Variants in NIPA1 observed in about 807,000 individuals in gnomAD.
The protein encoded by NIPA1 is NIPA magnesium transporter 1.
Under a neutral mutation model 23.9 loss-of-function variants are expected in NIPA1, and 13 were observed. The observed-to-expected ratio is 0.54, with a 90% CI of 0.35 to 0.87. NIPA1 has a LOEUF of 0.87. Ranked by LOEUF, NIPA1 falls within the 40% of genes least tolerant of loss-of-function variation. The pLI is 0.01. For synonymous variants in NIPA1, 234 were observed against 202.9 expected, an observed-to-expected ratio of 1.15 and a Z score of -1.30; for missense variants, 362 against 429.7, an observed-to-expected ratio of 0.84 and a Z score of 1.39.
In NIPA1 at chr15:22,825,816, C is replaced by T. The variant is rs745782890; in HGVS notation, c.*1577C>T. 3 of 152,602 alleles carry T rather than the reference C, an allele frequency of 2.0e-5. No homozygotes were observed. Among genetic ancestry groups the T allele is most frequent in the Admixed American group, 1.3e-4 (2 of 15,276 alleles). 9.5% of individuals were successfully genotyped at this position (152,602 alleles called of 1,614,324 possible). ...CCTCAGCTAACCTCTCATTATGTGT[C>T]TTAAATGCAAAAGAGCCATTAATTA... On this transcript the variant is annotated 3_prime_UTR_variant, in exon 5 of 5. Transcript: ENST00000337435.
intron 1 of NIPA1, among the ~76,000 whole-genome samples, chr15:22,797,687 G>A (rs1306203473): frequency 6.6e-6 from 1 of 151,280 alleles, no homozygotes; most frequent in Admixed American, 6.6e-5. Flanking sequence ...ATTTTTAGTA[G>A]AGTTGAGTTT....
At chr15:22,810,500 A>T (rs1282162370) in intron 1 of NIPA1, among the ~76,000 whole-genome samples, 3 of 152,154 alleles carry the variant, frequency 2.0e-5, no homozygotes, top group African/African-American at 7.2e-5. Context: ...ACTGATGTAT[A>T]AAGATCTCAT....
Position 22,812,225 on chromosome 15 carries a change from C to A in NIPA1, c.289C>A (p.Pro97Thr). 6.2e-7 allele frequency: 1 copy of A among 1,613,690 alleles called. No individual in the cohort carries two copies. The highest frequency in any genetic ancestry group is 1.1e-5 in the South Asian group (1 of 91,080). Residue 97 changes from proline to threonine, a missense_variant, in exon 3 of 5, where the codon CCC (proline) becomes ACC (threonine). Pro to Thr is a conservative substitution (Grantham distance 38, BLOSUM62 -1). Around this residue, in one of 2 missense-constraint regions of NIPA1, gnomAD observed 277 missense variants for 372.0 expected, o/e 0.74. Coordinates refer to ENST00000337435, the MANE Select transcript of NIPA1 (RefSeq NM_144599.5). Reference sequence around the variant, plus strand: ...GGCGGTCCCCACGGTCCTGGTAACCCCCCTGGGCGCCCTTGGAGTACCGTT... The same window carrying A: ...GGCGGTCCCCACGGTCCTGGTAACCACCCTGGGCGCCCTTGGAGTACCGTT... The part of the protein sequence containing the change: ...YTAVPTVLVT[P>T]LGALGVPFGS...
At position 22,828,009 on chromosome 15, in the gene NIPA1, G is replaced by C. The variant is rs993235917; in HGVS notation, c.*3770G>C. 3 of 152,310 alleles carry C rather than the reference G, an allele frequency of 2.0e-5. No individual in the cohort carries two copies. The highest frequency in any genetic ancestry group is 7.2e-5 in the African/African-American group (3 of 41,424). The allele number at this position is 152,310 out of a possible 1,614,324, so 9.4% of individuals were successfully genotyped here. A position where few individuals can be genotyped will look rare whatever the true frequency, so the allele number is the denominator to read the frequency against. ...TGACACCTGCTCGATGCTGACTTAG[G>C]CTTCCTGCCACCAAGCAGGAAACTA... On this transcript the variant is annotated 3_prime_UTR_variant, in exon 5 of 5. Transcript: ENST00000337435.
rs768190597 is a variant in NIPA1 at position 22,786,728 on chromosome 15, C to T, written c.72C>T (p.Ser24=). ...AAAGEGARSP[S]PAAVSLGLGV... ...CCGGGGAGGGGGCGCGTAGCCCGAG[C>T]CCCGCCGCCGTGTCGCTCGGCCTGG... Residue 24 remains serine, a synonymous_variant, in exon 1 of 5, where the codon AGC becomes AGT. Coordinates refer to ENST00000337435, the MANE Select transcript of NIPA1 (RefSeq NM_144599.5). The T allele has an allele frequency of 4.8e-6, 6 of 1,242,830 alleles. No individual in the cohort carries two copies. In the South Asian group the frequency reaches 7.6e-5, roughly 16 times the overall value. 77.0% of individuals were successfully genotyped at this position (1,242,830 alleles called of 1,614,324 possible).
intron 3 of NIPA1, among the ~76,000 whole-genome samples, chr15:22,816,349 C>T (rs1895417541): frequency 6.6e-6 from 1 of 151,020 alleles, no homozygotes. Context: ...CCACCATGCC[C>T]AGCTAATTTT....
intron 1 of NIPA1, among the ~76,000 whole-genome samples, chr15:22,803,675 A>ATTT (rs34811722): frequency 2.8e-4 from 20 of 71,084 alleles, no homozygotes; most frequent in South Asian, 1.7e-3. Flanking sequence ...GGCCCGGCTA[A>ATTT]TTTTTTTTTT....
intron 1 of NIPA1, among the ~76,000 whole-genome samples, chr15:22,794,219 A>G (rs1894896156): frequency 6.6e-6 from 1 of 151,836 alleles, no homozygotes; most frequent in South Asian, 2.1e-4. Flanking sequence ...ATGCTGCAAC[A>G]TGGAGGACAT....
rs535382499 is a variant in NIPA1, at chr15:22,815,628, CA to C, written c.317+3382del. ...AAAACTCTGTCCCTCCCCCGCCCCCCAAAAAAACAAAGAAAAGATAAAGCTC... is the reference window on the plus strand; with the variant it reads ...AAAACTCTGTCCCTCCCCCGCCCCCCAAAAAACAAAGAAAAGATAAAGCTC... On this transcript the variant is annotated intron_variant, in intron 3 of 4. Transcript: ENST00000337435. 3.0e-3 allele frequency among the ~76,000 whole-genome samples: 450 copies of C among 151,104 alleles called. 4 individuals carry two copies. Among genetic ancestry groups the C allele is most frequent in the African/African-American group, 0.01 (430 of 41,086 alleles).
At chr15:22,810,490 A>G (rs1485987598) in intron 1 of NIPA1, among the ~76,000 whole-genome samples, 4 of 152,242 alleles carry the variant, frequency 2.6e-5, no homozygotes, top group Non-Finnish European at 5.9e-5. Flanking sequence ...GTGAAAGAAA[A>G]CTGATGTATA....
intron 1 of NIPA1, among the ~76,000 whole-genome samples, chr15:22,797,718 G>A (rs1364804738): frequency 1.3e-5 from 2 of 151,206 alleles, no homozygotes; most frequent in African/African-American, 4.9e-5. Context: ...GGCTAGGCTG[G>A]TCTTGAACTC....
At chr15:22,787,835 T>C (rs1227192346) in intron 1 of NIPA1, among the ~76,000 whole-genome samples, 2 of 152,164 alleles carry the variant, frequency 1.3e-5, no homozygotes, top group African/African-American at 4.8e-5. Context: ...TTTCTCTGAG[T>C]GAGCCAGGCG....
upstream of NIPA1, among the ~76,000 whole-genome samples, chr15:22,786,473 G>A (rs1389599777): frequency 1.3e-5 from 2 of 149,968 alleles, no homozygotes; most frequent in East Asian, 4.0e-4. Flanking sequence ...CGCGTCCGGC[G>A]CCACTGCTGT....
chr15:22,804,331 C>G (rs1236312316), intron 1 of NIPA1, among the ~76,000 whole-genome samples: 1 of 151,916 alleles, frequency 6.6e-6, no homozygotes, highest in Admixed American at 6.6e-5. Flanking sequence ...CCATCTTGGC[C>G]AGGCTGGTCT....
intron 1 of NIPA1, among the ~76,000 whole-genome samples, chr15:22,807,977 G>GA (rs1895247233): frequency 6.6e-6 from 1 of 151,872 alleles, no homozygotes. Context: ...TTTTAGTAGA[G>GA]ACGGGGTTTC....
At position 22,786,671 on chromosome 15, in the gene NIPA1, TGCGGCAGCGGCG is replaced by T. The variant is rs1231638213; in HGVS notation, c.21_32del (p.Ala13_Ala16del). The T allele has an allele frequency of 1.2e-5, 13 of 1,066,006 alleles. No homozygotes were observed. The South Asian group carries it at 1.5e-4, about 12-fold the overall frequency. 66.0% of individuals were successfully genotyped at this position (1,066,006 alleles called of 1,614,324 possible). A position where few individuals can be genotyped will look rare whatever the true frequency, so the allele number is the denominator to read the frequency against. Reference sequence around the variant, plus strand: ...GCGCGGGCGGAATGGGGACTGCAGCTGCGGCAGCGGCGGCGGCGGCGGCGGCGGCGGCCGGGG... The same window carrying T: ...GCGCGGGCGGAATGGGGACTGCAGCTGCGGCGGCGGCGGCGGCGGCCGGGG... On this transcript the variant is annotated inframe_deletion, in exon 1 of 5. Transcript: ENST00000337435.
In NIPA1 at chr15:22,826,310, A is replaced by G. The variant is rs1325927439; in HGVS notation, c.*2071A>G. 1 of 152,164 alleles carries G rather than the reference A, an allele frequency of 6.6e-6. No homozygotes were observed. The highest frequency in any genetic ancestry group is 2.4e-5 in the African/African-American group (1 of 41,442). The allele number at this position is 152,164 out of a possible 1,614,324, so 9.4% of individuals were successfully genotyped here. ...CTTAAATCCTCTCAATGGATGGTTAACAAATGCTCAAAGTCCATTACTCTT... is the reference window on the plus strand; with the variant it reads ...CTTAAATCCTCTCAATGGATGGTTAGCAAATGCTCAAAGTCCATTACTCTT... On this transcript the variant is annotated 3_prime_UTR_variant, in exon 5 of 5. Coordinates refer to ENST00000337435, the MANE Select transcript of NIPA1 (RefSeq NM_144599.5).
chr15:22,786,468 C>T (rs1435592109), upstream of NIPA1, among the ~76,000 whole-genome samples: 2 of 151,894 alleles, frequency 1.3e-5, no homozygotes, highest in African/African-American at 4.8e-5. Flanking sequence ...GCCGCCGCGT[C>T]CGGCGCCACT....
Position 22,824,116 on chromosome 15 carries a change from G to A in NIPA1, c.867G>A (p.Val289=). 1.9e-6 allele frequency: 3 copies of A among 1,614,112 alleles called. No individual in the cohort carries two copies. Among genetic ancestry groups the A allele is most frequent in the Non-Finnish European group, 2.5e-6 (3 of 1,179,964 alleles). Residue 289 remains valine (V), a synonymous_variant, in exon 5 of 5, where the codon GTG becomes GTA. Transcript: ENST00000337435. This position sits in a 1 kb window ranked among gnomAD's most constrained non-coding sequence, Gnocchi z 4.1. ...LFREWSNVGL[V]DFLGMACGFT... is the part of the protein sequence containing the mutation. ...GGGAGTGGAGCAACGTGGGCCTGGT[G>A]GACTTCTTGGGGATGGCCTGTGGAT...
Sources: allele counts gnomAD v4.1 joint callset (sites outside exome capture counted in the v4.1 genomes callset), GRCh38; gene constraint gnomAD v4.1.1; regional missense constraint gnomAD v4.1.1; non-coding constraint Gnocchi (gnomAD v3.1); transcripts MANE v1.5; gene names NCBI Gene and HGNC (gene_info 2026-07-23, HGNC 2026-07-21).